Variants in SLC2A9 observed in about 807,000 individuals in gnomAD.
SLC2A9 encodes solute carrier family 2, facilitated glucose transporter member 9.
In SLC2A9, 39 loss-of-function variants were observed where a neutral mutation model predicts 50.6. That is an observed-to-expected ratio of 0.77 (90% CI 0.60 to 1.01). The LOEUF is 1.01. SLC2A9 is among the 50% of genes least tolerant of loss of function. SLC2A9 has a pLI of 0.00. For synonymous variants in SLC2A9, 324 were observed against 276.9 expected, an observed-to-expected ratio of 1.17 and a Z score of -1.69; for missense variants, 686 against 677.6, an observed-to-expected ratio of 1.01 and a Z score of -0.14.
chr4:9,942,785 C>T lies in SLC2A9; in HGVS notation c.682-740G>A, dbSNP rs141780701. Among the ~76,000 whole-genome samples the T allele has an allele frequency of 1.2e-3, 181 of 152,336 alleles. 4 individuals are homozygous for T. In the East Asian group the frequency reaches 0.031, roughly 26 times the overall value. On this transcript the variant is annotated intron_variant, in intron 5 of 11. Transcript: ENST00000264784. ...AGTATTCGTCCTAACCTGCTTTCTT[C>T]CTACCCAAGTTTACAAATAGGCTCT...
chr4:9,783,304 G>C, intron 3 of SLC2A9: 1 of 1,614,214 alleles, frequency 6.2e-7, no homozygotes, highest in Non-Finnish European at 8.5e-7. Flanking sequence ...ACCGGGAGGT[G>C]GACAACGACG....
chr4:9,814,528 A>G (rs1382343775), intron 3 of SLC2A9, among the ~76,000 whole-genome samples: 4 of 152,202 alleles, frequency 2.6e-5, no homozygotes, highest in Non-Finnish European at 5.9e-5. Context: ...TTAAAGCAAC[A>G]ATAATTTATT....
chr4:9,887,441 C>T (rs942107763), intron 10 of SLC2A9, 126 bp downstream of exon 10: 72 of 865,302 alleles, frequency 8.3e-5, no homozygotes, highest in Non-Finnish European at 1.1e-4. Context: ...AGGCAGCAGA[C>T]ACACATCCCC....
chr4:9,879,138 C>A (rs938706244), intron 10 of SLC2A9: 1 of 978,678 alleles, frequency 1.0e-6, no homozygotes, highest in Non-Finnish European at 1.2e-6. Context: ...GGAGGACTGA[C>A]CAACCATGGC....
intron 10 of SLC2A9, among the ~76,000 whole-genome samples, chr4:9,874,443 G>C (rs1170801233): frequency 6.6e-6 from 1 of 152,186 alleles, no homozygotes; most frequent in East Asian, 1.9e-4. Flanking sequence ...GTGAGCCAGT[G>C]TACACCTAAG....
At chr4:9,998,658 GA>G (rs1355279696) in intron 2 of SLC2A9, among the ~76,000 whole-genome samples, 3 of 152,120 alleles carry the variant, frequency 2.0e-5, no homozygotes, top group African/African-American at 7.2e-5. Context: ...AAACTCCCCT[GA>G]AAAACTGTTT....
rs1734364503 is a variant in SLC2A9, at chr4:9,876,611, GCAAA to G, written c.1291+10952_1291+10955del. ...ATCTCTAAAACAAACAAACAAACAA[GCAAA>G]CAAACAAATAAAACCCTCTTGACTG... On this transcript the variant is annotated intron_variant, in intron 10 of 11. Transcript: ENST00000264784. 2.0e-5 allele frequency among the ~76,000 whole-genome samples: 3 copies of G among 151,776 alleles called. No individual in the cohort carries two copies. The South Asian group carries it at 6.3e-4, about 32-fold the overall frequency.
intron 5 of SLC2A9, among the ~76,000 whole-genome samples, chr4:9,971,697 T>C (rs1466392588): frequency 6.6e-6 from 1 of 152,010 alleles, no homozygotes; most frequent in African/African-American, 2.4e-5. Context: ...AAAAAGGAAA[T>C]GTGAAAGTTG....
rs563833973 is a variant in SLC2A9, at chr4:10,015,383, T to A, written c.249+3592A>T. Among the ~76,000 whole-genome samples, 87 of 152,322 alleles carry A rather than the reference T, an allele frequency of 5.7e-4. 2 individuals carry two copies. The highest frequency in any genetic ancestry group is 1.9e-3 in the African/African-American group (81 of 41,582). ...GGGTTTGAATTCCAACACTGCCACCTCCTGGCTGTGTGAACCTGGGCAAGT... is the reference window on the plus strand; with the variant it reads ...GGGTTTGAATTCCAACACTGCCACCACCTGGCTGTGTGAACCTGGGCAAGT... On this transcript the variant is annotated intron_variant, in intron 2 of 11. Transcript: ENST00000264784.
chr4:10,006,097 T>C (rs1560476076), intron 2 of SLC2A9, among the ~76,000 whole-genome samples: 3 of 152,178 alleles, frequency 2.0e-5, no homozygotes, highest in African/African-American at 7.2e-5. Context: ...GGGCCTAGGC[T>C]CATTTATTTG....
downstream of SLC2A9, among the ~76,000 whole-genome samples, chr4:9,821,228 A>G (rs1724356211): frequency 6.6e-6 from 1 of 152,178 alleles, no homozygotes; most frequent in Admixed American, 6.5e-5. Flanking sequence ...GGGGGATTAA[A>G]TTGACTGATT....
intron 5 of SLC2A9, among the ~76,000 whole-genome samples, chr4:9,947,857 T>C (rs1749480253): frequency 6.6e-6 from 1 of 152,208 alleles, no homozygotes; most frequent in African/African-American, 2.4e-5. Flanking sequence ...ATAAAGGCTC[T>C]GGTGCAGGCT....
intron 3 of SLC2A9, among the ~76,000 whole-genome samples, chr4:9,818,838 T>A (rs998634278): frequency 6.6e-6 from 1 of 152,124 alleles, no homozygotes; most frequent in Non-Finnish European, 1.5e-5. Flanking sequence ...TATACAGGTC[T>A]TGGGCTGGGT....
At chr4:9,822,957 A>C (rs1228500532), downstream of SLC2A9, among the ~76,000 whole-genome samples, 1 of 152,128 alleles carries the variant, frequency 6.6e-6, no homozygotes, top group Non-Finnish European at 1.5e-5. Flanking sequence ...ATAAGCCAGG[A>C]GATACTCACT....
At chr4:10,025,986 G>C, upstream of SLC2A9, 2 of 1,613,220 alleles carry the variant, frequency 1.2e-6, no homozygotes, top group Non-Finnish European at 1.7e-6. Context: ...TTCAGGTTTT[G>C]AACTTTTGTT....
At chr4:9,779,142 C>A (rs562288420), downstream of SLC2A9, among the ~76,000 whole-genome samples, 39 of 152,282 alleles carry the variant, frequency 2.6e-4, no homozygotes, top group Admixed American at 1.4e-3. Flanking sequence ...AGAGATCAAG[C>A]GACCTGCCCA....
chr4:9,847,666 G>A (rs939422916), intron 10 of SLC2A9, among the ~76,000 whole-genome samples: 1 of 152,346 alleles, frequency 6.6e-6, no homozygotes, highest in Middle Eastern at 3.4e-3. Context: ...AGCATCTGAG[G>A]TCCACTGAGT....
intron 8 of SLC2A9, among the ~76,000 whole-genome samples, chr4:9,906,543 C>T (rs1740696486): frequency 6.6e-6 from 1 of 152,200 alleles, no homozygotes; most frequent in South Asian, 2.1e-4. Flanking sequence ...TACTGTGCTA[C>T]TATGTAAGAA....
chr4:10,013,835 A>T (rs1317445214), intron 2 of SLC2A9, among the ~76,000 whole-genome samples: 1 of 152,124 alleles, frequency 6.6e-6, no homozygotes, highest in Non-Finnish European at 1.5e-5. Context: ...CAGTTATCTA[A>T]CAGCTGGAAA....
Sources: allele counts gnomAD v4.1 joint callset (sites outside exome capture counted in the v4.1 genomes callset), GRCh38; gene constraint gnomAD v4.1.1; transcripts MANE v1.5; gene names NCBI Gene and HGNC (gene_info 2026-07-23, HGNC 2026-07-21).